FGFR2: variants seen among roughly 807,000 people sequenced by gnomAD.
FGFR2 encodes fibroblast growth factor receptor 2, also known as BEK fibroblast growth factor receptor.
In FGFR2, 19 loss-of-function variants were observed where a neutral mutation model predicts 95.9. The ratio of observed to expected loss-of-function variants is 0.20; its 90% CI spans 0.14 to 0.29. FGFR2 has a LOEUF of 0.29. FGFR2 is among the 10% of genes least tolerant of loss of function. FGFR2 has a pLI of 1.00. For synonymous variants in FGFR2, 392 were observed against 393.3 expected, an observed-to-expected ratio of 1.00 and a Z score of 0.04; for missense variants, 707 against 1,056.9, an observed-to-expected ratio of 0.67 and a Z score of 4.59.
At chr10:121,524,734 G>A (rs371522422) in intron 6 of FGFR2, among the ~76,000 whole-genome samples, 12 of 152,222 alleles carry the variant, frequency 7.9e-5, no homozygotes, top group African/African-American at 2.9e-4. Flanking sequence ...TGCAGGCTGG[G>A]CAGAGTGGGG....
chr10:121,564,431 A>C, intron 4 of FGFR2, 71 bp downstream of exon 4: 2 of 1,387,302 alleles, frequency 1.4e-6, no homozygotes, highest in Non-Finnish European at 2.1e-6. Context: ...GTCGACAAGA[A>C]GACAGGTGAC....
intron 5 of FGFR2, 101 bp from the exon 6 acceptor site, chr10:121,538,816 G>A (rs1452628770): frequency 2.7e-6 from 4 of 1,491,228 alleles, no homozygotes; most frequent in South Asian, 2.3e-5. Context: ...AGGCAAGAAA[G>A]GTATGGAAGA....
chr10:121,566,356 G>A (rs901580564), intron 2 of FGFR2, among the ~76,000 whole-genome samples: 3 of 152,114 alleles, frequency 2.0e-5, no homozygotes, highest in African/African-American at 7.2e-5. Flanking sequence ...AAGCCTAGAG[G>A]CCTTAACACC....
rs574613289 is a variant in FGFR2 at position 121,593,535 on chromosome 10, G to A, written c.109+174C>T. Among the ~76,000 whole-genome samples the A allele has an allele frequency of 5.9e-5, 9 of 152,186 alleles. 1 individual carries two copies. The highest frequency in any genetic ancestry group is 1.2e-4 in the African/African-American group (5 of 41,534). The stretch of plus-strand genomic sequence containing the variant: ...TATACCATCCTGCCTGCAGTGCTGC[G>A]GCAAAGGACCTTCTCTCATCAGCTC... On this transcript the variant is annotated intron_variant, in intron 2 of 17. Coordinates refer to ENST00000358487, the MANE Select transcript of FGFR2 (RefSeq NM_000141.5).
At chr10:121,589,060 T>G (rs1288399161) in intron 2 of FGFR2, among the ~76,000 whole-genome samples, 2 of 152,200 alleles carry the variant, frequency 1.3e-5, no homozygotes, top group Non-Finnish European at 2.9e-5. Context: ...CAAAAAATAA[T>G]TTCTGAACTG....
intron 2 of FGFR2, among the ~76,000 whole-genome samples, chr10:121,581,554 C>G (rs1005728142): frequency 1.7e-5 from 2 of 120,348 alleles, no homozygotes; most frequent in Non-Finnish European, 3.4e-5. Flanking sequence ...GGCTGGGCAA[C>G]AAGTGAGAAC....
intron 1 of FGFR2, among the ~76,000 whole-genome samples, chr10:121,595,498 G>T (rs1360459749): frequency 2.0e-5 from 3 of 151,928 alleles, no homozygotes; most frequent in Non-Finnish European, 1.5e-5. Flanking sequence ...GTGTGTACAT[G>T]GTGTGTGCGT....
At chr10:121,491,836 C>T (rs560514820) in intron 13 of FGFR2, among the ~76,000 whole-genome samples, 1 of 149,838 alleles carries the variant, frequency 6.7e-6, no homozygotes, top group Admixed American at 6.7e-5. Context: ...CGCCACTGAA[C>T]TCCAGCCTCG....
chr10:121,499,131 G>A (rs1284795768), intron 11 of FGFR2, among the ~76,000 whole-genome samples: 5 of 152,168 alleles, frequency 3.3e-5, no homozygotes, highest in Non-Finnish European at 5.9e-5. Context: ...GTAAAGGGCT[G>A]CGACTTCTAG....
In FGFR2 at chr10:121,495,954, C is replaced by T. The variant is rs370908196; in HGVS notation, c.1863+578G>A. On this transcript the variant is annotated intron_variant, in intron 13 of 17. Transcript: ENST00000358487. Reference sequence around the variant, plus strand: ...GTTTCAAGTTCCACGGTAAGTGGCACGCCTGGAATGCAGGCAGTCCACCTC... The same window carrying T: ...GTTTCAAGTTCCACGGTAAGTGGCATGCCTGGAATGCAGGCAGTCCACCTC... Among the ~76,000 whole-genome samples the T allele has an allele frequency of 7.9e-5, 12 of 152,302 alleles. 1 individual carries two copies. The highest frequency in any genetic ancestry group is 5.9e-4 in the Admixed American group (9 of 15,306).
intron 2 of FGFR2, among the ~76,000 whole-genome samples, chr10:121,572,754 G>C (rs1859015886): frequency 6.6e-6 from 1 of 152,240 alleles, no homozygotes; most frequent in African/African-American, 2.4e-5. Context: ...GGAGCTCATA[G>C]GACCTCTGAC....
At chr10:121,482,517 CT>C (rs1844891410) in intron 17 of FGFR2, among the ~76,000 whole-genome samples, 1 of 152,140 alleles carries the variant, frequency 6.6e-6, no homozygotes, top group Non-Finnish European at 1.5e-5. Context: ...GGGACTTTAA[CT>C]TTTTTCTTGT....
Position 121,503,842 on chromosome 10 carries a change from C to T in FGFR2, c.1387G>A (p.Val463Ile), listed in dbSNP as rs2134056990. Residue 463 changes from valine to isoleucine, a missense_variant, in exon 10 of 18, where the codon GTC (valine) becomes ATC (isoleucine). Around this residue, in one of 7 missense-constraint regions of FGFR2, gnomAD observed 194 missense variants for 267.3 expected, o/e 0.73. Transcript: ENST00000358487. ...STADTPMLAG[V>I]SEYELPEDPK... ...TCCTCTGGAAGTTCATACTCGGAGA[C>T]CCCTGCCAGCATGGGGGTGTCTGCC... 1 of 1,614,182 alleles carries T rather than the reference C, an allele frequency of 6.2e-7. No homozygotes were observed. Among genetic ancestry groups the T allele is most frequent in the Non-Finnish European group, 8.5e-7 (1 of 1,180,032 alleles).
At position 121,485,874 on chromosome 10, in the gene FGFR2, C is replaced by A. The variant is rs1274017905; in HGVS notation, c.2058-342G>T. Reference sequence around the variant, plus strand: ...CCTTTCCAACTCCTTATGTGCCTGACCCAAGGGTTGTGATCTACCAGGATG... The same window carrying A: ...CCTTTCCAACTCCTTATGTGCCTGAACCAAGGGTTGTGATCTACCAGGATG... On this transcript the variant is annotated intron_variant, in intron 15 of 17. Transcript: ENST00000358487. The surrounding 1 kb of genome is among the most constrained non-coding windows in gnomAD (Gnocchi z 4.2). Among the ~76,000 whole-genome samples, 1 of 152,186 alleles carries A rather than the reference C, an allele frequency of 6.6e-6. No homozygotes were observed. Among genetic ancestry groups the A allele is most frequent in the East Asian group, 1.9e-4 (1 of 5,194 alleles).
chr10:121,555,371 C>CTCAATCAA (rs3036011), intron 4 of FGFR2, among the ~76,000 whole-genome samples: 79 of 142,804 alleles, frequency 5.5e-4, no homozygotes, highest in Non-Finnish European at 7.2e-4. Context: ...AAAACTCTGT[C>CTCAATCAA]TCAATCAATC....
Position 121,576,477 on chromosome 10 carries a change from C to T in FGFR2, c.110-10773G>A, listed in dbSNP as rs1468697024. 3.3e-5 allele frequency among the ~76,000 whole-genome samples: 5 copies of T among 152,134 alleles called. No homozygotes were observed. The South Asian group carries it at 8.3e-4, about 25-fold the overall frequency. On this transcript the variant is annotated intron_variant, in intron 2 of 17. Coordinates refer to ENST00000358487, the MANE Select transcript of FGFR2 (RefSeq NM_000141.5). ...TTGGGACACACTGTTCTGGGGAAAACCCTTTCATCAAAAGGCATGTGGGGG... is the reference window on the plus strand; with the variant it reads ...TTGGGACACACTGTTCTGGGGAAAATCCTTTCATCAAAAGGCATGTGGGGG...
chr10:121,594,143 T>C, intron 1 of FGFR2, 176 bp from the exon 2 acceptor site: 1 of 495,364 alleles, frequency 2.0e-6, no homozygotes, highest in Non-Finnish European at 3.7e-6. Context: ...ACCAGACCGG[T>C]CCACAGAAAT....
At chr10:121,536,601 C>T (rs2134564487) in intron 6 of FGFR2, among the ~76,000 whole-genome samples, 1 of 152,314 alleles carries the variant, frequency 6.6e-6, no homozygotes, top group East Asian at 1.9e-4. Context: ...AATTCAAATC[C>T]CAACCCTAAA....
At chr10:121,558,320 A>G (rs565925172) in intron 4 of FGFR2, among the ~76,000 whole-genome samples, 19 of 152,362 alleles carry the variant, frequency 1.2e-4, no homozygotes, top group African/African-American at 4.6e-4. Flanking sequence ...AAAAATTAGC[A>G]TATGAAACTG....
Sources: gnomAD v4.1 joint callset for allele counts (sites outside exome capture counted in the v4.1 genomes callset) on GRCh38, gnomAD v4.1.1 for gene constraint, gnomAD v4.1.1 regional missense constraint, Gnocchi (gnomAD v3.1) non-coding constraint, MANE v1.5 for transcripts, NCBI Gene and HGNC (gene_info 2026-07-23, HGNC 2026-07-21) for gene names.